RORA: variants seen among roughly 807,000 people sequenced by gnomAD.
RORA encodes the protein nuclear receptor ROR-alpha.
RORA carries 7 observed loss-of-function variants against 69.5 expected under a neutral mutation model. That is an observed-to-expected ratio of 0.10 (90% CI 0.06 to 0.19). RORA has a LOEUF of 0.19. RORA is among the 10% of genes least tolerant of loss of function. The pLI is 1.00. For synonymous variants in RORA, 261 were observed against 240.8 expected (o/e 1.08, Z -0.78); for missense variants, 457 against 663.0 (o/e 0.69, Z 3.41).
chr15:61,102,583 C>G (rs2078895295), intron 1 of RORA, among the ~76,000 whole-genome samples: 1 of 152,180 alleles, frequency 6.6e-6, no homozygotes, highest in Non-Finnish European at 1.5e-5. Flanking sequence ...CTGTCAAAAG[C>G]ACATTTTTGT....
At chr15:60,598,068 A>G (rs1412290504) in intron 2 of RORA, among the ~76,000 whole-genome samples, 1 of 152,052 alleles carries the variant, frequency 6.6e-6, no homozygotes, top group African/African-American at 2.4e-5. Flanking sequence ...CCATACGTCA[A>G]ATAAGGAGAG....
At chr15:60,993,283 G>T (rs1378519081) in intron 1 of RORA, among the ~76,000 whole-genome samples, 1 of 152,064 alleles carries the variant, frequency 6.6e-6, no homozygotes, top group African/African-American at 2.4e-5. Flanking sequence ...TAACATTATT[G>T]TGGGGAAGGT....
intron 3 of RORA, among the ~76,000 whole-genome samples, chr15:60,517,739 G>A (rs1047978180): frequency 6.6e-6 from 1 of 152,222 alleles, no homozygotes; most frequent in Non-Finnish European, 1.5e-5. Flanking sequence ...AGGCATCACT[G>A]TGGATGCTTA....
intron 1 of RORA, among the ~76,000 whole-genome samples, chr15:60,954,997 G>T (rs937943831): frequency 6.6e-6 from 1 of 152,118 alleles, no homozygotes; most frequent in Non-Finnish European, 1.5e-5. Context: ...CATGGGTTTT[G>T]TATCTTTTTA....
intron 2 of RORA, among the ~76,000 whole-genome samples, chr15:60,577,671 C>T (rs1444459685): frequency 6.9e-6 from 1 of 144,352 alleles, no homozygotes; most frequent in African/African-American, 2.5e-5. Context: ...AAGCTGCAAA[C>T]AGCTTTTGTT....
At chr15:60,850,696 CAT>C (rs1053970207) in intron 1 of RORA, among the ~76,000 whole-genome samples, 2 of 152,158 alleles carry the variant, frequency 1.3e-5, no homozygotes, top group African/African-American at 4.8e-5. Context: ...CTTTCCCATC[CAT>C]AGTCACCTGC....
chr15:61,137,025 AAG>A (rs1491080153), intron 1 of RORA, among the ~76,000 whole-genome samples: 2 of 64,550 alleles, frequency 3.1e-5, no homozygotes, highest in Non-Finnish European at 6.2e-5. Context: ...ATAAAAAAGA[AAG>A]AAAGAAAGAA....
chr15:61,033,959 A>T (rs1339393535), intron 1 of RORA, among the ~76,000 whole-genome samples: 1 of 152,178 alleles, frequency 6.6e-6, no homozygotes, highest in Non-Finnish European at 1.5e-5. Flanking sequence ...AAACCAAAAT[A>T]TTTTGGATAT....
At chr15:60,757,661 G>C (rs141354990) in intron 1 of RORA, among the ~76,000 whole-genome samples, 21 of 152,100 alleles carry the variant, frequency 1.4e-4, no homozygotes, top group Non-Finnish European at 2.4e-4. Context: ...GCACATCCCT[G>C]GATGTGACTC....
chr15:60,628,410 G>C (rs1426787084), intron 2 of RORA, among the ~76,000 whole-genome samples: 1 of 152,138 alleles, frequency 6.6e-6, no homozygotes, highest in African/African-American at 2.4e-5. Context: ...TTGTCACCCA[G>C]GCTGCAGCGC....
At chr15:61,205,928 G>A (rs1353238399) in intron 1 of RORA, among the ~76,000 whole-genome samples, 2 of 152,158 alleles carry the variant, frequency 1.3e-5, no homozygotes, top group East Asian at 1.9e-4. Flanking sequence ...AGCCATGGTC[G>A]AGAGCAACCT....
chr15:60,737,974 G>A lies in RORA; in HGVS notation c.167-59288C>T, dbSNP rs185235910. On this transcript the variant is annotated intron_variant, in intron 1 of 10. Transcript: ENST00000335670. ...ACAGTTACAAGTGCAAGTTAAGTGCGTATTATTTCTCCTGGATTGGGTCAT... is the reference window on the plus strand; with the variant it reads ...ACAGTTACAAGTGCAAGTTAAGTGCATATTATTTCTCCTGGATTGGGTCAT... Among the ~76,000 whole-genome samples the A allele has an allele frequency of 1.6e-4, 24 of 152,322 alleles. No homozygotes were observed. In the East Asian group the frequency reaches 2.5e-3, roughly 16 times the overall value.
intron 1 of RORA, among the ~76,000 whole-genome samples, chr15:60,817,860 C>A (rs548349633): frequency 6.6e-6 from 1 of 152,244 alleles, no homozygotes; most frequent in Admixed American, 6.5e-5. Context: ...GTCTTGGGCC[C>A]TGGGTCTGCA....
intron 2 of RORA, among the ~76,000 whole-genome samples, chr15:60,579,366 C>T (rs932111769): frequency 6.6e-6 from 1 of 152,184 alleles, no homozygotes; most frequent in South Asian, 2.1e-4. Context: ...TAAATCCAAA[C>T]GCTCTCTAAT....
chr15:60,788,821 G>A (rs1335717130), intron 1 of RORA, among the ~76,000 whole-genome samples: 2 of 152,140 alleles, frequency 1.3e-5, no homozygotes, highest in African/African-American at 2.4e-5. Flanking sequence ...CCCCTGTCCC[G>A]CTTAATAACA....
chr15:61,064,105 T>C (rs1045548021), intron 1 of RORA, among the ~76,000 whole-genome samples: 3 of 152,118 alleles, frequency 2.0e-5, no homozygotes. Context: ...CACAGTACAT[T>C]TTATAAACCA....
At chr15:61,093,301 A>G (rs1460958672) in intron 1 of RORA, among the ~76,000 whole-genome samples, 1 of 152,224 alleles carries the variant, frequency 6.6e-6, no homozygotes, top group Non-Finnish European at 1.5e-5. Context: ...AGGTGCCACA[A>G]GAGACCATGC....
In RORA at chr15:61,103,218, G is replaced by A. The variant is rs1255091888; in HGVS notation, c.166+125835C>T. On this transcript the variant is annotated intron_variant, in intron 1 of 10. Transcript: ENST00000335670. ...CTGCCCTCCTCTCCTGGGCGGGGCT[G>A]AGGAACTTGGCAGTGGAGGATGGGC... Among the ~76,000 whole-genome samples, 10 of 152,292 alleles carry A rather than the reference G, an allele frequency of 6.6e-5. No individual in the cohort carries two copies. In the East Asian group the frequency reaches 1.7e-3, roughly 27 times the overall value.
intron 1 of RORA, among the ~76,000 whole-genome samples, chr15:60,894,919 G>C (rs890582361): frequency 1.9e-4 from 29 of 152,138 alleles, no homozygotes; most frequent in African/African-American, 6.3e-4. Context: ...ACCAGGGCTC[G>C]TTGTCACAGC....
Sources: allele counts gnomAD v4.1 joint callset (sites outside exome capture counted in the v4.1 genomes callset), GRCh38; gene constraint gnomAD v4.1.1; transcripts MANE v1.5; gene names NCBI Gene and HGNC (gene_info 2026-07-23, HGNC 2026-07-21).